CAT: variants seen among roughly 807,000 people sequenced by gnomAD.
CAT encodes the protein epididymis secretory sperm binding protein.
Under a neutral mutation model 59.0 loss-of-function variants are expected in CAT, and 43 were observed. The observed-to-expected ratio is 0.73, with a 90% confidence interval of 0.57 to 0.94. CAT has a LOEUF of 0.94. CAT is among the 40% of genes least tolerant of loss of function. The pLI, the probability that CAT is intolerant of heterozygous loss-of-function variation, is 0.00. For missense variants in CAT, 664 were observed against 682.9 expected, an observed-to-expected ratio of 0.97 and a Z score of 0.31; for synonymous variants, 218 against 230.9, an observed-to-expected ratio of 0.94 and a Z score of 0.51.
chr11:34,470,896 C>T, intron 11 of CAT, 62 bp from the exon 12 acceptor site: 1 of 1,347,200 alleles, frequency 7.4e-7, no homozygotes. Context: ...AACCACAGTC[C>T]CTGGGGAGTG....
At position 34,453,831 on chromosome 11, in the gene CAT, C is replaced by G. The variant is rs1412848533; in HGVS notation, c.616C>G (p.Pro206Ala). The G allele has an allele frequency of 1.2e-6, 2 of 1,613,256 alleles. No individual in the cohort carries two copies. Among genetic ancestry groups the G allele is most frequent in the Non-Finnish European group, 1.7e-6 (2 of 1,179,374 alleles). Reference protein sequence around the residue: ...VSFLFSDRGIPDGHRHMNGYG... With the variant: ...VSFLFSDRGIADGHRHMNGYG... ...TTTCTTGTTCAGTGATCGGGGGATTCCAGATGGACATCGCCACATGAATGG... is the reference window on the plus strand; with the variant it reads ...TTTCTTGTTCAGTGATCGGGGGATTGCAGATGGACATCGCCACATGAATGG... Residue 206 changes from proline (P) to alanine (A), a missense_variant, in exon 6 of 13, where the codon CCA (proline) becomes GCA (alanine). By Grantham distance (27) the Pro-to-Ala change is conservative. Transcript: ENST00000241052.
At chr11:34,445,942 T>A (rs1250814105) in intron 1 of CAT, among the ~76,000 whole-genome samples, 1 of 152,210 alleles carries the variant, frequency 6.6e-6, no homozygotes, top group African/African-American at 2.4e-5. Context: ...ATTAATAATA[T>A]TGATCTCTGG....
chr11:34,468,528 C>A (rs1856743851), intron 11 of CAT, 133 bp downstream of exon 11: 2 of 687,230 alleles, frequency 2.9e-6, no homozygotes, highest in Non-Finnish European at 5.2e-6. Context: ...AAAAAATAAA[C>A]TAGTAATCCC....
At chr11:34,462,327 G>A (rs1388208013) in intron 9 of CAT, among the ~76,000 whole-genome samples, 1 of 151,902 alleles carries the variant, frequency 6.6e-6, no homozygotes, top group Non-Finnish European at 1.5e-5. Context: ...GTGTCCTAAA[G>A]AAAATTTGGA....
Position 34,471,007 on chromosome 11 carries a change from C to T in CAT, c.1484C>T (p.Ala495Val). The stretch of plus-strand genomic sequence containing the variant: ...CCTGACTACGGGAGCCACATCCAGG[C>T]TCTTCTGGACAAGTACAATGCTGAG... ...VHPDYGSHIQ[A>V]LLDKYNAEKP... is the part of the protein sequence containing the mutation. Residue 495 changes from alanine (A) to valine (V), a missense_variant, in exon 12 of 13, where the codon GCT (alanine) becomes GTT (valine). Coordinates refer to ENST00000241052, the MANE Select transcript of CAT (RefSeq NM_001752.4). The T allele has an allele frequency of 6.2e-7, 1 of 1,614,194 alleles. No homozygotes were observed. The highest frequency in any genetic ancestry group is 8.5e-7 in the Non-Finnish European group (1 of 1,180,018).
chr11:34,443,655 C>T (rs1156960069), intron 1 of CAT, among the ~76,000 whole-genome samples: 1 of 151,822 alleles, frequency 6.6e-6, no homozygotes, highest in Non-Finnish European at 1.5e-5. Context: ...CCTCTGATCC[C>T]TTTAAAATGG....
intron 10 of CAT, among the ~76,000 whole-genome samples, chr11:34,466,036 C>G (rs1345750375): frequency 1.3e-5 from 2 of 152,152 alleles, no homozygotes; most frequent in East Asian, 3.8e-4. Flanking sequence ...TCTCATGAGT[C>G]TGAAGGGACA....
intron 7 of CAT, 128 bp downstream of exon 7, chr11:34,456,330 A>G: frequency 1.3e-6 from 1 of 758,294 alleles, no homozygotes; most frequent in Admixed American, 2.3e-5. Flanking sequence ...ACCACTTCAG[A>G]GTGTCCTAAG....
intron 1 of CAT, among the ~76,000 whole-genome samples, chr11:34,444,461 C>G (rs1166257525): frequency 6.6e-6 from 1 of 152,038 alleles, no homozygotes; most frequent in African/African-American, 2.4e-5. Context: ...TCCCACAGAC[C>G]AAGAAATTTG....
rs1856775394 is a variant in CAT at position 34,471,690 on chromosome 11, A to G, written c.*257A>G. The G allele has an allele frequency of 2.0e-6, 1 of 502,238 alleles. No homozygotes were observed. Among genetic ancestry groups the G allele is most frequent in the Non-Finnish European group, 3.6e-6 (1 of 278,592 alleles). 31.1% of individuals were successfully genotyped at this position (502,238 alleles called of 1,614,324 possible). On this transcript the variant is annotated 3_prime_UTR_variant, in exon 13 of 13. Transcript: ENST00000241052. ...ATTGGATTATTCATTTAAAATGATT[A>G]GAAGGCAAGTTTCTAGCTAGAAATA...
intron 10 of CAT, among the ~76,000 whole-genome samples, chr11:34,467,145 G>A (rs1856728650): frequency 6.6e-6 from 1 of 152,146 alleles, no homozygotes; most frequent in Non-Finnish European, 1.5e-5. Context: ...TGCAAAAAAG[G>A]AATATTATTA....
At chr11:34,460,947 TA>T in intron 8 of CAT, 1 of 417,246 alleles carries the variant, frequency 2.4e-6, no homozygotes, top group South Asian at 2.3e-5. Context: ...GAATAGGAAG[TA>T]ATACTGTATA....
intron 10 of CAT, among the ~76,000 whole-genome samples, chr11:34,467,222 C>G (rs1856729401): frequency 6.6e-6 from 1 of 151,992 alleles, no homozygotes; most frequent in African/African-American, 2.4e-5. Flanking sequence ...TTTCTAGAAA[C>G]AAAAATTACA....
At chr11:34,439,128 G>C (rs560430662) in intron 1 of CAT, 49 bp downstream of exon 1, 61 of 1,529,276 alleles carry the variant, frequency 4.0e-5, no homozygotes, top group Non-Finnish European at 5.1e-5. Context: ...TTAGAAAGCG[G>C]GGGCGTCGGC....
chr11:34,468,333 C>G lies in CAT; in HGVS notation c.1372C>G (p.Arg458Gly). The G allele has an allele frequency of 6.2e-7, 1 of 1,614,070 alleles. No homozygotes were observed. Among genetic ancestry groups the G allele is most frequent in the Non-Finnish European group, 8.5e-7 (1 of 1,180,002 alleles). ...CGTGCTGAATGAGGAACAGAGGAAA[C>G]GTCTGTGTGAGAACATTGCCGGCCA... is the stretch of plus-strand genomic sequence containing the variant. ...VNVLNEEQRK[R>G]LCENIAGHLK... is the part of the protein sequence containing the mutation. Residue 458 changes from arginine (R) to glycine (G), a missense_variant, in exon 11 of 13, where the codon CGT becomes GGT. By Grantham distance (125) the Arg-to-Gly change is moderately radical. Transcript: ENST00000241052.
chr11:34,442,331 A>G (rs2133176511), intron 1 of CAT, among the ~76,000 whole-genome samples: 1 of 152,348 alleles, frequency 6.6e-6, no homozygotes, highest in East Asian at 1.9e-4. Context: ...GGCCGGGTGC[A>G]GTGACTCACA....
chr11:34,466,698 G>A (rs17887048), intron 10 of CAT, among the ~76,000 whole-genome samples: 2,965 of 147,604 alleles, frequency 0.02, 31 homozygotes, highest in Non-Finnish European at 0.03. Context: ...GGAGAATGGC[G>A]TGAACCCGGG....
At chr11:34,471,175 A>G (rs1233293782) in intron 12 of CAT, 134 bp downstream of exon 12, 2 of 930,444 alleles carry the variant, frequency 2.1e-6, no homozygotes, top group Non-Finnish European at 1.8e-6. Context: ...GCAGCTGTGC[A>G]GAAATTCATT....
Position 34,468,313 on chromosome 11 carries a change from T to C in CAT, c.1352T>C (p.Leu451Pro). 6.2e-7 allele frequency: 1 copy of C among 1,614,080 alleles called. No homozygotes were observed. The highest frequency in any genetic ancestry group is 8.5e-7 in the Non-Finnish European group (1 of 1,179,940). ...GTGCGGGCATTCTATGTGAACGTGCTGAATGAGGAACAGAGGAAACGTCTG... is the reference window on the plus strand; with the variant it reads ...GTGCGGGCATTCTATGTGAACGTGCCGAATGAGGAACAGAGGAAACGTCTG... ...TQVRAFYVNVLNEEQRKRLCE... is the reference protein window; with the variant it reads ...TQVRAFYVNVPNEEQRKRLCE... Residue 451 changes from leucine to proline, a missense_variant, in exon 11 of 13, where the codon CTG becomes CCG. Coordinates refer to ENST00000241052, the MANE Select transcript of CAT (RefSeq NM_001752.4).
Sources: gnomAD v4.1 joint callset for allele counts (sites outside exome capture counted in the v4.1 genomes callset) on GRCh38, gnomAD v4.1.1 for gene constraint, MANE v1.5 for transcripts, NCBI Gene and HGNC (gene_info 2026-07-23, HGNC 2026-07-21) for gene names.